MDN1: variants seen among roughly 807,000 people sequenced by gnomAD.
MDN1 encodes the protein midasin AAA ATPase 1.
In MDN1, 266 loss-of-function variants were observed where a neutral mutation model predicts 669.2. The ratio of observed to expected loss-of-function variants is 0.40; its 90% CI spans 0.36 to 0.44. The LOEUF is 0.44. Ranked by LOEUF, MDN1 falls within the 20% of genes least tolerant of loss-of-function variation. MDN1 has a pLI of 1.00. For synonymous variants in MDN1, 2,385 were observed against 2,457.1 expected, an observed-to-expected ratio of 0.97 and a Z score of 0.87; for missense variants, 5,940 against 6,754.0, an observed-to-expected ratio of 0.88 and a Z score of 4.22.
Position 89,646,430 on chromosome 6 carries a change from A to G in MDN1, c.16459+110T>C, listed in dbSNP as rs572298874. Reference sequence around the variant, plus strand: ...CATCAATTTATGTCTTTTCCTGTGGAGCATACCTATTAAAACACAGTGACG... The same window carrying G: ...CATCAATTTATGTCTTTTCCTGTGGGGCATACCTATTAAAACACAGTGACG... On this transcript the variant is annotated intron_variant, in intron 100 of 101. Transcript: ENST00000369393. 5.2e-4 allele frequency: 444 copies of G among 854,442 alleles called. 2 individuals carry two copies. Among genetic ancestry groups the G allele is most frequent in the Non-Finnish European group, 8.0e-4 (420 of 524,200 alleles). 52.9% of individuals were successfully genotyped at this position (854,442 alleles called of 1,614,324 possible).
chr6:89,680,499 A>C, intron 74 of MDN1, 90 bp downstream of exon 74: 1 of 1,475,044 alleles, frequency 6.8e-7, no homozygotes. Context: ...ACAAGGTATC[A>C]AAAAAGGACA....
intron 9 of MDN1, among the ~76,000 whole-genome samples, chr6:89,781,823 C>G (rs1818689035): frequency 6.6e-6 from 1 of 152,062 alleles, no homozygotes; most frequent in South Asian, 2.1e-4. Flanking sequence ...AACATCATCT[C>G]TACAAAAAAT....
chr6:89,687,854 C>T (rs9451262), intron 67 of MDN1, among the ~76,000 whole-genome samples: 3 of 152,148 alleles, frequency 2.0e-5, no homozygotes, highest in Non-Finnish European at 4.4e-5. Flanking sequence ...ACCCTCATTA[C>T]CGGTAGATAC....
chr6:89,686,089 G>C (rs1042895196), intron 69 of MDN1, 116 bp from the exon 70 acceptor site: 1 of 996,526 alleles, frequency 1.0e-6, no homozygotes, highest in East Asian at 2.6e-5. Context: ...ACATCACAAT[G>C]TGAAGCTCTC....
At chr6:89,733,588 T>C (rs1815737099) in intron 33 of MDN1, among the ~76,000 whole-genome samples, 1 of 151,494 alleles carries the variant, frequency 6.6e-6, no homozygotes, top group South Asian at 2.1e-4. Context: ...GCTATATAGA[T>C]TGTGATTTAG....
In MDN1 at chr6:89,655,966, A is replaced by G. The variant is rs768562003; in HGVS notation, c.15288T>C (p.Ser5096=). The part of the protein sequence containing the change: ...SQKHTRKNTQ[S]FKRKPGQADN... ...CAGCCTGCCCAGGTTTCCTCTTAAA[A>G]CTCTGAGAAATACAAGGAAATTCAT... The change falls in exon 92 of 102, where the codon AGT becomes AGC. Residue 5096 remains serine (S), a splice_region_variant and synonymous_variant. Coordinates refer to ENST00000369393, the MANE Select transcript of MDN1 (RefSeq NM_014611.3). 6.2e-7 allele frequency: 1 copy of G among 1,612,776 alleles called. No homozygotes were observed. The highest frequency in any genetic ancestry group is 1.1e-5 in the South Asian group (1 of 90,974).
Position 89,643,862 on chromosome 6 carries a change from A to G in MDN1, c.*143T>C. ...GCCCAGGCAAAGCCGGGAGCCAGAG[A>G]GCATTCTGTAGGCTGTAAGATCACG... On this transcript the variant is annotated 3_prime_UTR_variant, in exon 102 of 102. Transcript: ENST00000369393. The G allele has an allele frequency of 2.8e-6, 2 of 724,800 alleles. No homozygotes were observed. The allele number at this position is 724,800 out of a possible 1,614,324, so 44.9% of individuals were successfully genotyped here. A position where few individuals can be genotyped will look rare whatever the true frequency, so the allele number is the denominator to read the frequency against.
At chr6:89,660,259 T>C (rs562107357) in intron 88 of MDN1, among the ~76,000 whole-genome samples, 11 of 152,276 alleles carry the variant, frequency 7.2e-5, no homozygotes, top group African/African-American at 1.9e-4. Flanking sequence ...GATCATGGCC[T>C]ACTGCAGCCT....
At chr6:89,725,154 C>G in intron 38 of MDN1, 45 bp downstream of exon 38, 5 of 1,556,404 alleles carry the variant, frequency 3.2e-6, no homozygotes, top group Non-Finnish European at 4.4e-6. Context: ...TAGTCTTATC[C>G]CCTCCGAGTC....
At chr6:89,704,013 CA>C (rs60168431) in intron 53 of MDN1, among the ~76,000 whole-genome samples, 82,808 of 104,106 alleles carry the variant, frequency 0.8, 31,735 homozygotes, top group East Asian at 0.95. Context: ...AACTCCGTCT[CA>C]AAAAAAAAAA....
At chr6:89,659,052 G>A in intron 88 of MDN1, 135 bp from the exon 89 acceptor site, 1 of 784,516 alleles carries the variant, frequency 1.3e-6, no homozygotes, top group Non-Finnish European at 2.0e-6. Context: ...TGACCCACAG[G>A]CCAAATCTGG....
chr6:89,686,017 T>C, intron 69 of MDN1, 44 bp from the exon 70 acceptor site: 1 of 1,585,166 alleles, frequency 6.3e-7, no homozygotes, highest in Non-Finnish European at 8.6e-7. Flanking sequence ...CCTTCGACCA[T>C]GACTCCCTAT....
chr6:89,780,169 C>A, intron 11 of MDN1, 43 bp downstream of exon 11: 1 of 1,178,996 alleles, frequency 8.5e-7, no homozygotes, highest in Non-Finnish European at 1.2e-6. Context: ...AGTCAACAGC[C>A]TTACAGAACC....
In MDN1 at chr6:89,762,424, G is replaced by A. The variant is rs116721427; in HGVS notation, c.2251C>T (p.His751Tyr). Residue 751 changes from histidine (H) to tyrosine (Y), a missense_variant, in exon 16 of 102, where the codon CAC becomes TAC. His to Tyr is a moderately conservative substitution (Grantham distance 83). Coordinates refer to ENST00000369393, the MANE Select transcript of MDN1 (RefSeq NM_014611.3). The stretch of plus-strand genomic sequence containing the variant: ...TTCTGTCTGTAACAGGTCTGAATGT[G>A]CCCCAAGAACGTAAAGTTTTGTTTC... ...SKKQNFTFLG[H>Y]IQTCYRQKRW... The A allele has an allele frequency of 1.2e-6, 2 of 1,613,982 alleles. No homozygotes were observed. The highest frequency in any genetic ancestry group is 1.7e-6 in the Non-Finnish European group (2 of 1,179,882).
chr6:89,745,395 C>T lies in MDN1; in HGVS notation c.4056G>A (p.Gln1352=). The change falls in exon 29 of 102, where the codon CAG becomes CAA. Residue 1352 remains glutamine (Q), a synonymous_variant. Coordinates refer to ENST00000369393, the MANE Select transcript of MDN1 (RefSeq NM_014611.3). ...VLKLLGKLST[Q]ISTLECNFGH... ...CAAAGTTACACTCCAATGTGGATAT[C>T]TGAGTAGACAATTTACCTATCCAAG... is the stretch of plus-strand genomic sequence containing the variant. 1 of 1,614,044 alleles carries T rather than the reference C, an allele frequency of 6.2e-7. No individual in the cohort carries two copies.
intron 90 of MDN1, 134 bp from the exon 91 acceptor site, chr6:89,656,935 C>T (rs906364518): frequency 1.7e-5 from 12 of 725,462 alleles, no homozygotes; most frequent in Non-Finnish European, 2.7e-5. Flanking sequence ...TGCCTACCTG[C>T]CTGCCCTGGA....
intron 80 of MDN1, 23 bp from the exon 81 acceptor site, chr6:89,672,725 AC>A: frequency 6.2e-7 from 1 of 1,607,164 alleles, no homozygotes; most frequent in South Asian, 1.1e-5. Context: ...ATGGTGCAAA[AC>A]AAACATACAA....
chr6:89,720,516 T>G (rs144767371), intron 40 of MDN1, among the ~76,000 whole-genome samples: 135 of 152,282 alleles, frequency 8.9e-4, no homozygotes, highest in African/African-American at 3.1e-3. Flanking sequence ...TAACATTATT[T>G]TTCTTGACCT....
At chr6:89,726,672 TACAA>T (rs1815260880) in intron 37 of MDN1, among the ~76,000 whole-genome samples, 1 of 152,088 alleles carries the variant, frequency 6.6e-6, no homozygotes, top group Non-Finnish European at 1.5e-5. Context: ...TAAGAACAAT[TACAA>T]GGGGCTCTTG....
Sources: allele counts gnomAD v4.1 joint callset (sites outside exome capture counted in the v4.1 genomes callset), GRCh38; gene constraint gnomAD v4.1.1; transcripts MANE v1.5; gene names NCBI Gene and HGNC (gene_info 2026-07-23, HGNC 2026-07-21).